Variants in PITPNB observed in about 807,000 individuals in gnomAD.
The protein encoded by PITPNB is phosphatidylinositol transfer protein beta, also known as phosphatidylinositol transfer protein beta isoform.
PITPNB carries 16 observed loss-of-function variants against 45.9 expected under a neutral mutation model. That is an observed-to-expected ratio of 0.35 (90% CI 0.24 to 0.53). The LOEUF (loss-of-function observed/expected upper bound fraction) is 0.53. Among genes scored for constraint, PITPNB ranks in the 20% least tolerant of loss-of-function variants. The pLI is 0.93. For synonymous variants in PITPNB, 112 were observed against 108.9 expected (o/e 1.03, Z -0.18); for missense variants, 188 against 330.5 (o/e 0.57, Z 3.34).
At chr22:27,882,023 A>G (rs1245964378) in intron 7 of PITPNB, among the ~76,000 whole-genome samples, 1 of 152,172 alleles carries the variant, frequency 6.6e-6, no homozygotes, top group Non-Finnish European at 1.5e-5. Flanking sequence ...TACCAAGACT[A>G]TCTACACAAG....
chr22:27,910,111 C>G (rs983295442), intron 3 of PITPNB, among the ~76,000 whole-genome samples: 1 of 152,016 alleles, frequency 6.6e-6, no homozygotes, highest in Admixed American at 6.6e-5. Flanking sequence ...CCACCACACC[C>G]AGGCTAATTT....
At chr22:27,871,694 A>G (rs1934663079) in intron 8 of PITPNB, among the ~76,000 whole-genome samples, 2 of 152,250 alleles carry the variant, frequency 1.3e-5, no homozygotes, top group South Asian at 2.1e-4. Flanking sequence ...TTGTTAATTT[A>G]TAAGTGGTAT....
chr22:27,874,641 ACT>A lies in PITPNB; in HGVS notation c.457-828_457-827del, dbSNP rs201169284. Among the ~76,000 whole-genome samples the A allele has an allele frequency of 6.8e-3, 1,033 of 152,000 alleles. 7 individuals are homozygous for A. Among genetic ancestry groups the A allele is most frequent in the African/African-American group, 0.023 (938 of 41,456 alleles). ...TTCTCTTGTCATTACACAAACACAC[ACT>A]CTCTCTCTCTCCAGAAAAAAAGATA... On this transcript the variant is annotated intron_variant, in intron 7 of 11. Coordinates refer to ENST00000335272, the MANE Select transcript of PITPNB (RefSeq NM_012399.5).
chr22:27,896,980 C>A, intron 5 of PITPNB, 150 bp downstream of exon 5: 1 of 702,560 alleles, frequency 1.4e-6, no homozygotes, highest in South Asian at 1.7e-5. Flanking sequence ...ACACTGGGAA[C>A]ATGTGGTAGA....
At chr22:27,903,267 C>T (rs1935654019) in intron 3 of PITPNB, among the ~76,000 whole-genome samples, 1 of 151,824 alleles carries the variant, frequency 6.6e-6, no homozygotes, top group African/African-American at 2.4e-5. Context: ...GTCAGGAGTT[C>T]GAGACCAGCC....
chr22:27,870,685 G>C (rs1412125050), intron 8 of PITPNB, among the ~76,000 whole-genome samples: 1 of 152,158 alleles, frequency 6.6e-6, no homozygotes, highest in African/African-American at 2.4e-5. Flanking sequence ...GTTCCCCAGT[G>C]CTACCCTCAG....
intron 3 of PITPNB, among the ~76,000 whole-genome samples, chr22:27,901,582 C>CAAGAA (rs967577686): frequency 2.0e-5 from 3 of 152,000 alleles, no homozygotes; most frequent in African/African-American, 4.8e-5. Context: ...GCTGAGAAGG[C>CAAGAA]AAGAAAAGAA....
chr22:27,903,467 C>CAAAAAAA (rs71194750), intron 3 of PITPNB, among the ~76,000 whole-genome samples: 1 of 81,308 alleles, frequency 1.2e-5, no homozygotes, highest in African/African-American at 4.4e-5. Flanking sequence ...GAAACTGTCT[C>CAAAAAAA]AAAAAAAAAA....
At chr22:27,861,168 T>C (rs1196881668) in intron 8 of PITPNB, among the ~76,000 whole-genome samples, 1 of 151,628 alleles carries the variant, frequency 6.6e-6, no homozygotes, top group African/African-American at 2.4e-5. Context: ...CCGTCTCTAC[T>C]AAAAAATTAC....
At chr22:27,909,211 T>TC (rs1246139497) in intron 3 of PITPNB, among the ~76,000 whole-genome samples, 5 of 147,908 alleles carry the variant, frequency 3.4e-5, no homozygotes, top group Admixed American at 1.4e-4. Context: ...GTAGTACTTT[T>TC]TTTTTTTTTT....
intron 5 of PITPNB, 174 bp downstream of exon 5, chr22:27,896,956 G>A (rs1935449597): frequency 1.5e-6 from 1 of 656,812 alleles, no homozygotes; most frequent in African/African-American, 1.8e-5. Context: ...GACAAGGGTG[G>A]AAAGGGCCCA....
chr22:27,917,287 G>A (rs1936108642), intron 1 of PITPNB, among the ~76,000 whole-genome samples: 1 of 152,198 alleles, frequency 6.6e-6, no homozygotes. Flanking sequence ...CTGTCAAAGG[G>A]ATCTACTGAA....
chr22:27,895,746 A>C (rs1368558288), intron 6 of PITPNB, among the ~76,000 whole-genome samples: 1 of 152,206 alleles, frequency 6.6e-6, no homozygotes, highest in African/African-American at 2.4e-5. Context: ...AATTTGCCAC[A>C]ATCATTAACC....
intron 8 of PITPNB, among the ~76,000 whole-genome samples, chr22:27,869,176 T>C (rs1934574936): frequency 1.3e-5 from 2 of 152,064 alleles, no homozygotes; most frequent in African/African-American, 4.8e-5. Flanking sequence ...GAAGCAAAAA[T>C]CTTAATCAGG....
intron 7 of PITPNB, among the ~76,000 whole-genome samples, chr22:27,893,323 T>C (rs1190549767): frequency 1.3e-5 from 2 of 151,512 alleles, no homozygotes; most frequent in Non-Finnish European, 1.5e-5. Flanking sequence ...CTCGCTCTGT[T>C]GTCCAGGCTG....
chr22:27,854,419 T>C (rs1359117428), intron 11 of PITPNB, among the ~76,000 whole-genome samples: 9 of 152,220 alleles, frequency 5.9e-5, no homozygotes, highest in Non-Finnish European at 1.2e-4. Context: ...ACAGAAAATA[T>C]TGCAGCCAAA....
intron 3 of PITPNB, among the ~76,000 whole-genome samples, chr22:27,905,810 T>G (rs961388363): frequency 6.6e-6 from 1 of 152,094 alleles, no homozygotes; most frequent in Non-Finnish European, 1.5e-5. Context: ...GCAAATAAAC[T>G]AGCAAAAAGG....
At chr22:27,918,683 C>T (rs1302191376) in intron 1 of PITPNB, among the ~76,000 whole-genome samples, 1 of 152,262 alleles carries the variant, frequency 6.6e-6, no homozygotes, top group Non-Finnish European at 1.5e-5. Flanking sequence ...GCCAGCGTCC[C>T]ACCGCGAGTC....
intron 1 of PITPNB, among the ~76,000 whole-genome samples, chr22:27,917,917 G>T (rs1299444354): frequency 6.6e-6 from 1 of 152,210 alleles, no homozygotes; most frequent in Non-Finnish European, 1.5e-5. Flanking sequence ...GATTCCCTGA[G>T]AAGGTGACGT....
Sources: gnomAD v4.1 joint callset for allele counts (sites outside exome capture counted in the v4.1 genomes callset) on GRCh38, gnomAD v4.1.1 for gene constraint, MANE v1.5 for transcripts, NCBI Gene and HGNC (gene_info 2026-07-23, HGNC 2026-07-21) for gene names.